Variants in XK observed in about 807,000 individuals in gnomAD.
XK encodes X-linked Kx blood group antigen, Kell and VPS13A binding protein, also known as endoplasmic reticulum membrane adapter protein XK.
Under a neutral mutation model 14.0 loss-of-function variants are expected in XK, and 2 were observed. The observed-to-expected ratio is 0.14, with a 90% CI of 0.06 to 0.45. The LOEUF (loss-of-function observed/expected upper bound fraction) is 0.45. XK is among the 20% of genes least tolerant of loss of function. XK has a pLI of 0.98. For missense variants in XK, 235 were observed against 341.5 expected, an observed-to-expected ratio of 0.69 and a Z score of 2.46; for synonymous variants, 149 against 147.5, an observed-to-expected ratio of 1.01 and a Z score of -0.08.
rs1023671102 is a variant in XK at position 37,717,825 on chromosome X, T to G, written c.509-9811T>G. Among the ~76,000 whole-genome samples, 8 of 112,062 alleles carry G rather than the reference T, an allele frequency of 7.1e-5. No individual in the cohort carries two copies. The Admixed American group carries it at 7.5e-4, about 11-fold the overall frequency. Reference sequence around the variant, plus strand: ...GTCAGTAAGACTTTAAGAATTTTCTTTTAACAGTACTAGGGTATCATACTG... The same window carrying G: ...GTCAGTAAGACTTTAAGAATTTTCTGTTAACAGTACTAGGGTATCATACTG... On this transcript the variant is annotated intron_variant, in intron 2 of 2. Transcript: ENST00000378616.
intron 2 of XK, among the ~76,000 whole-genome samples, chrX:37,696,095 T>A (rs971358354): frequency 4.5e-5 from 5 of 112,002 alleles, no homozygotes; most frequent in African/African-American, 1.6e-4. Flanking sequence ...GTCTCACAGT[T>A]GAAGGGTTGG....
At position 37,705,433 on chromosome X, in the gene XK, A is replaced by C. The variant is rs189801620; in HGVS notation, c.508+10885A>C. Among the ~76,000 whole-genome samples the C allele has an allele frequency of 1.2e-3, 133 of 107,698 alleles. No individual in the cohort carries two copies. The East Asian group carries it at 0.025, about 20-fold the overall frequency. The allele number at this position is 107,698 out of a possible 115,157, so 93.5% of individuals were successfully genotyped here. On this transcript the variant is annotated intron_variant, in intron 2 of 2. Coordinates refer to ENST00000378616, the MANE Select transcript of XK (RefSeq NM_021083.4). ...CGCCACTGGACTCCAGCCTGGGTGA[A>C]AGAGCGAGACTCTGTCTCAAAAAAA...
At chrX:37,705,400 C>T (rs1474573644) in intron 2 of XK, among the ~76,000 whole-genome samples, 1 of 108,733 alleles carries the variant, frequency 9.2e-6, no homozygotes, top group African/African-American at 3.4e-5. Context: ...TGCAGTGAGC[C>T]GAGCTCGCGC....
chrX:37,724,787 C>A (rs1209479271), intron 2 of XK, among the ~76,000 whole-genome samples: 1 of 110,484 alleles, frequency 9.1e-6, no homozygotes, highest in African/African-American at 3.3e-5. Flanking sequence ...ACAAAGAACC[C>A]TTAAAACTCA....
chrX:37,696,931 A>C (rs1206095311), intron 2 of XK, among the ~76,000 whole-genome samples: 1 of 112,020 alleles, frequency 8.9e-6, no homozygotes, highest in East Asian at 2.8e-4. Context: ...CTTTTTCATA[A>C]ATTTCCCTAA....
chrX:37,686,137 A>G lies in XK; in HGVS notation c.176A>G (p.His59Arg), dbSNP rs1556440146. ...GTGCAGCTCACGCTTCTCTTCGTAC[A>G]CCGCGACCTCAGCCGCGACCGCCCG... ...ALVQLTLLFV[H>R]RDLSRDRPLV... Residue 59 changes from histidine to arginine, a missense_variant, in exon 1 of 3, where the codon CAC becomes CGC. Coordinates refer to ENST00000378616, the MANE Select transcript of XK (RefSeq NM_021083.4). 2 of 1,209,872 alleles carry G rather than the reference A, an allele frequency of 1.7e-6. No individual in the cohort carries two copies. The highest frequency in any genetic ancestry group is 1.8e-5 in the South Asian group (1 of 56,491).
chrX:37,708,041 C>T (rs1927582107), intron 2 of XK, among the ~76,000 whole-genome samples: 1 of 112,363 alleles, frequency 8.9e-6, no homozygotes, highest in South Asian at 3.7e-4. Context: ...CCATCTCCAC[C>T]AAAAAAATAC....
rs1556440057 is a variant in XK at position 37,685,925 on chromosome X, T to G, written c.-37T>G. On this transcript the variant is annotated 5_prime_UTR_variant, in exon 1 of 3. Coordinates refer to ENST00000378616, the MANE Select transcript of XK (RefSeq NM_021083.4). ...GCCACAGCCACACAGCCGCCGCCACTGCGTCCGTCCCCGGTGAGCGCCGCT... is the reference window on the plus strand; with the variant it reads ...GCCACAGCCACACAGCCGCCGCCACGGCGTCCGTCCCCGGTGAGCGCCGCT... The G allele has an allele frequency of 8.4e-7, 1 of 1,190,681 alleles. No homozygotes were observed. The highest frequency in any genetic ancestry group is 3.0e-5 in the East Asian group (1 of 33,013).
chrX:37,697,310 T>C (rs1160879823), intron 2 of XK, among the ~76,000 whole-genome samples: 4 of 112,338 alleles, frequency 3.6e-5, no homozygotes, highest in Non-Finnish European at 5.6e-5. Context: ...TTTGAGAACA[T>C]TGGATTAGAC....
Position 37,728,448 on chromosome X carries a change from C to G in XK, c.1321C>G (p.Leu441Val). 2.5e-6 allele frequency: 3 copies of G among 1,208,634 alleles called. No individual in the cohort carries two copies. The highest frequency in any genetic ancestry group is 3.5e-5 in the African/African-American group (2 of 57,736). The change falls in exon 3 of 3, where the codon CTC becomes GTC. Residue 441 changes from leucine to valine, a missense_variant. Leu to Val is a conservative substitution (Grantham distance 32). Transcript: ENST00000378616. ...TGGTCAGTTCTTGAATGCTGAAGAT[C>G]TCTGCTCTGCTTAATGGGACCCAAG... The part of the protein sequence containing the change: ...EPGQFLNAED[L>V]CSA
chrX:37,706,291 T>C (rs1266173920), intron 2 of XK, among the ~76,000 whole-genome samples: 1 of 112,005 alleles, frequency 8.9e-6, no homozygotes, highest in African/African-American at 3.2e-5. Context: ...GTACAATGTT[T>C]AGATAAACAT....
Position 37,730,840 on chromosome X carries a change from T to C in XK, c.*2378T>C, listed in dbSNP as rs376610936. 4.5e-5 allele frequency: 5 copies of C among 112,315 alleles called. No homozygotes were observed. The East Asian group carries it at 1.4e-3, about 31-fold the overall frequency. The allele number at this position is 112,315 out of a possible 1,213,427, so 9.3% of individuals were successfully genotyped here. A position where few individuals can be genotyped will look rare whatever the true frequency, so the allele number is the denominator to read the frequency against. On this transcript the variant is annotated 3_prime_UTR_variant, in exon 3 of 3. Coordinates refer to ENST00000378616, the MANE Select transcript of XK (RefSeq NM_021083.4). ...GAAGATAGGTGAGCAACTTGAGTGA[T>C]CCCAAACCAAACTAACAGTGCTGGT...
At position 37,707,541 on chromosome X, in the gene XK, C is replaced by T. The variant is rs1428143505; in HGVS notation, c.508+12993C>T. Among the ~76,000 whole-genome samples, 328 of 104,656 alleles carry T rather than the reference C, an allele frequency of 3.1e-3. 1 individual carries two copies. The highest frequency in any genetic ancestry group is 4.6e-3 in the Non-Finnish European group (238 of 51,326). The allele number at this position is 104,656 out of a possible 115,157, so 90.9% of individuals were successfully genotyped here. On this transcript the variant is annotated intron_variant, in intron 2 of 2. Transcript: ENST00000378616. ...CTCACTTCTCAGACGGGGCGGCTGC[C>T]GGGCGGAGGGGCTCCTCACTTCTCA...
chrX:37,721,774 A>G (rs1442054708), intron 2 of XK, among the ~76,000 whole-genome samples: 1 of 111,917 alleles, frequency 8.9e-6, no homozygotes, highest in Non-Finnish European at 1.9e-5. Flanking sequence ...ACTATTCACA[A>G]TAGCCAAAAG....
At chrX:37,726,801 T>C (rs1280046483) in intron 2 of XK, among the ~76,000 whole-genome samples, 1 of 112,227 alleles carries the variant, frequency 8.9e-6, no homozygotes, top group Non-Finnish European at 1.9e-5. Context: ...AGACTCTCAG[T>C]AACAGTGAAG....
chrX:37,696,679 G>C (rs2295447), intron 2 of XK, among the ~76,000 whole-genome samples: 35,105 of 111,347 alleles, frequency 0.32, 5,998 homozygotes, highest in African/African-American at 0.68. Context: ...GTGCAAGGAA[G>C]AAACACCTAA....
chrX:37,696,638 A>G (rs1927312207), intron 2 of XK, among the ~76,000 whole-genome samples: 1 of 112,734 alleles, frequency 8.9e-6, no homozygotes, highest in East Asian at 2.8e-4. Flanking sequence ...AAATGTTGGT[A>G]GTGTCTGTCA....
At chrX:37,694,673 A>G in intron 2 of XK, 125 bp downstream of exon 2, 1 of 978,231 alleles carries the variant, frequency 1.0e-6, no homozygotes, top group Non-Finnish European at 1.4e-6. Context: ...TGTTCTAGTT[A>G]CTATGCTCAA....
intron 2 of XK, among the ~76,000 whole-genome samples, chrX:37,727,058 A>G (rs188179447): frequency 2.1e-3 from 234 of 111,541 alleles, no homozygotes; most frequent in Non-Finnish European, 3.4e-3. Context: ...CATGTAAAGG[A>G]CTCTACATAT....
Sources: allele counts gnomAD v4.1 joint callset (sites outside exome capture counted in the v4.1 genomes callset), GRCh38; gene constraint gnomAD v4.1.1; transcripts MANE v1.5; gene names NCBI Gene and HGNC (gene_info 2026-07-23, HGNC 2026-07-21).